NDRG4: variants seen among roughly 807,000 people sequenced by gnomAD.
NDRG4 encodes protein NDRG4.
Under a neutral mutation model 55.8 loss-of-function variants are expected in NDRG4, and 38 were observed. The observed-to-expected ratio is 0.68, with a 90% CI of 0.53 to 0.89. NDRG4 has a LOEUF of 0.89. Among genes scored for constraint, NDRG4 ranks in the 40% least tolerant of loss-of-function variants. The probability of loss-of-function intolerance (pLI) is 0.00; values close to 1 mark genes in which losing one functional copy is unlikely to be tolerated. For synonymous variants in NDRG4, 190 were observed against 182.7 expected, an observed-to-expected ratio of 1.04 and a Z score of -0.32; for missense variants, 455 against 468.6, an observed-to-expected ratio of 0.97 and a Z score of 0.27.
At chr16:58,514,745 CAAAAAAA>C (rs67168725), downstream of NDRG4, among the ~76,000 whole-genome samples, 8 of 82,128 alleles carry the variant, frequency 9.7e-5, no homozygotes, top group East Asian at 6.3e-4. Context: ...CCCAACGCGC[CAAAAAAA>C]AAAAAAAAAA....
Position 58,464,819 on chromosome 16 carries a change from C to G in NDRG4, c.-24+1022C>G. The stretch of plus-strand genomic sequence containing the variant: ...TAAGAAAGGACCCGTGGGCTTCTGG[C>G]AGGACCCGCGCCATGGACCTCTTAT... On this transcript the variant is annotated intron_variant, in intron 1 of 15. Coordinates refer to the NDRG4 transcript ENST00000258187. This position sits in a 1 kb window ranked among gnomAD's most constrained non-coding sequence, Gnocchi z 4.8. 1 of 1,254,964 alleles carries G rather than the reference C, an allele frequency of 8.0e-7. No homozygotes were observed. The highest frequency in any genetic ancestry group is 1.0e-6 in the Non-Finnish European group (1 of 994,964). The allele number at this position is 1,254,964 out of a possible 1,614,324, so 77.7% of individuals were successfully genotyped here. A position where few individuals can be genotyped will look rare whatever the true frequency, so the allele number is the denominator to read the frequency against.
intron 1 of NDRG4, among the ~76,000 whole-genome samples, chr16:58,482,095 A>G (rs1448370988): frequency 6.6e-6 from 1 of 152,104 alleles, no homozygotes; most frequent in East Asian, 1.9e-4. Flanking sequence ...CATGAGTCAC[A>G]TGCTCCCACT....
intron 1 of NDRG4, chr16:58,500,480 A>T: frequency 4.7e-6 from 2 of 424,056 alleles, no homozygotes; most frequent in East Asian, 7.1e-5. Context: ...GCTGCTAGTC[A>T]GAGCCCATAG....
At chr16:58,478,518 CATT>C (rs2033989226) in intron 1 of NDRG4, among the ~76,000 whole-genome samples, 1 of 152,004 alleles carries the variant, frequency 6.6e-6, no homozygotes. Context: ...CCAAAAAAGG[CATT>C]ATTAGGAAAG....
intron 13 of NDRG4, 155 bp downstream of exon 13, chr16:58,509,507 C>T (rs1352409334): frequency 3.0e-5 from 22 of 741,650 alleles, no homozygotes; most frequent in Non-Finnish European, 4.6e-5. Flanking sequence ...GCCCCGGATG[C>T]TGGGCCCCAC....
In NDRG4 at chr16:58,504,431, C is replaced by T. The variant is rs376001161; in HGVS notation, c.311+10C>T. ...TGGTGCAGCATTTCGGGTGAGTCCCCGCACAGCCCCTGCGCTAGGGCCCAG... is the reference window on the plus strand; with the variant it reads ...TGGTGCAGCATTTCGGGTGAGTCCCTGCACAGCCCCTGCGCTAGGGCCCAG... On this transcript the variant is annotated intron_variant, in intron 4 of 14. Coordinates refer to ENST00000570248, the MANE Select transcript of NDRG4 (RefSeq NM_001242835.2). The T allele has an allele frequency of 1.6e-5, 26 of 1,612,148 alleles. No homozygotes were observed. The highest frequency in any genetic ancestry group is 1.6e-4 in the Middle Eastern group (1 of 6,084).
intron 8 of NDRG4, chr16:58,507,400 G>A (rs1435021518): frequency 7.4e-5 from 27 of 363,898 alleles, no homozygotes; most frequent in South Asian, 5.2e-5. Context: ...GGGCTGCCCT[G>A]CCCTGCAGGA....
chr16:58,476,611 A>C (rs943605088), intron 1 of NDRG4, among the ~76,000 whole-genome samples: 55 of 152,266 alleles, frequency 3.6e-4, no homozygotes, highest in Non-Finnish European at 1.5e-5. Flanking sequence ...CTGCCATCAC[A>C]TGAACATCAG....
intron 1 of NDRG4, among the ~76,000 whole-genome samples, chr16:58,480,964 G>C (rs148713911): frequency 6.6e-6 from 1 of 151,352 alleles, no homozygotes; most frequent in Admixed American, 6.6e-5. Context: ...AGCTGAGATC[G>C]TGCCACTGCA....
chr16:58,500,510 GTGGTT>G, intron 1 of NDRG4: 1 of 502,798 alleles, frequency 2.0e-6, no homozygotes, highest in Non-Finnish European at 3.5e-6. Context: ...GGGGGAGCGT[GTGGTT>G]GGGGGGTGGG....
chr16:58,474,500 G>A (rs1489354803), intron 1 of NDRG4, among the ~76,000 whole-genome samples: 1 of 152,050 alleles, frequency 6.6e-6, no homozygotes, highest in Non-Finnish European at 1.5e-5. Flanking sequence ...CCCCTTCTCA[G>A]CAGGTGGCTT....
At chr16:58,477,774 G>A (rs554396744) in intron 1 of NDRG4, among the ~76,000 whole-genome samples, 14 of 152,132 alleles carry the variant, frequency 9.2e-5, no homozygotes, top group African/African-American at 3.4e-4. Flanking sequence ...CAGGGGTAAG[G>A]GGGGTGGAGG....
intron 1 of NDRG4, among the ~76,000 whole-genome samples, chr16:58,503,323 C>CG: frequency 6.6e-6 from 1 of 151,900 alleles, no homozygotes; most frequent in African/African-American, 2.4e-5. Flanking sequence ...GGGGCAGTGC[C>CG]GGGGTCGGGG....
At chr16:58,467,125 C>T (rs570152224) in intron 1 of NDRG4, among the ~76,000 whole-genome samples, 10 of 152,328 alleles carry the variant, frequency 6.6e-5, no homozygotes, top group South Asian at 2.1e-4. Flanking sequence ...ACAGCCCACT[C>T]GGCATCTACG....
intron 4 of NDRG4, 34 bp from the exon 5 acceptor site, chr16:58,504,555 C>T (rs201618562): frequency 1.2e-6 from 2 of 1,613,808 alleles, no homozygotes; most frequent in Admixed American, 1.7e-5. Flanking sequence ...AATGGCACCC[C>T]TAGCCCTAGA....
intron 2 of NDRG4, among the ~76,000 whole-genome samples, chr16:58,490,941 C>T (rs1274293573): frequency 1.3e-5 from 2 of 151,764 alleles, no homozygotes; most frequent in Non-Finnish European, 2.9e-5. Flanking sequence ...TACACCACTA[C>T]ACTCCAGCCT....
At chr16:58,476,694 A>C (rs1488164248) in intron 1 of NDRG4, among the ~76,000 whole-genome samples, 1 of 152,158 alleles carries the variant, frequency 6.6e-6, no homozygotes, top group African/African-American at 2.4e-5. Flanking sequence ...GATGCTGGAG[A>C]AGCCCAGGCT....
At chr16:58,506,133 CGTGT>C (rs113481456) in intron 5 of NDRG4, 313 of 536,996 alleles carry the variant, frequency 5.8e-4, no homozygotes, top group Non-Finnish European at 7.4e-4. Flanking sequence ...GTTGAAAGAG[CGTGT>C]GTGTGTGTGT....
chr16:58,502,817 G>A (rs143479849), intron 1 of NDRG4, among the ~76,000 whole-genome samples: 4,506 of 152,268 alleles, frequency 0.03, 104 homozygotes, highest in Admixed American at 0.048. Flanking sequence ...AGAGAGGATC[G>A]GTTTATTTAG....
Sources: gnomAD v4.1 joint callset for allele counts (sites outside exome capture counted in the v4.1 genomes callset) on GRCh38, gnomAD v4.1.1 for gene constraint, Gnocchi (gnomAD v3.1) non-coding constraint, MANE v1.5 for transcripts, NCBI Gene and HGNC (gene_info 2026-07-23, HGNC 2026-07-21) for gene names.